Variants in ABCA1 observed in about 807,000 individuals in gnomAD.
ABCA1 encodes ATP binding cassette subfamily A member 1, also known as phospholipid-transporting ATPase ABCA1.
Under a neutral mutation model 262.5 loss-of-function variants are expected in ABCA1, and 133 were observed. The ratio of observed to expected loss-of-function variants is 0.51; its 90% CI spans 0.44 to 0.59. The LOEUF (loss-of-function observed/expected upper bound fraction) is 0.59, where lower values mean the gene tolerates loss of function less well. Among genes scored for constraint, ABCA1 ranks in the 20% least tolerant of loss-of-function variants. The pLI is 0.00. For missense variants in ABCA1, 2,452 were observed against 2,777.5 expected (o/e 0.88, Z 2.63); for synonymous variants, 1,022 against 1,043.5 (o/e 0.98, Z 0.40).
intron 49 of ABCA1, among the ~76,000 whole-genome samples, chr9:104,784,976 T>C (rs1828798679): frequency 6.6e-6 from 1 of 152,014 alleles, no homozygotes; most frequent in Non-Finnish European, 1.5e-5. Flanking sequence ...CCCCCACCCC[T>C]ACATCACCAA....
At chr9:104,811,280 T>C (rs1204549195) in intron 28 of ABCA1, among the ~76,000 whole-genome samples, 1 of 152,244 alleles carries the variant, frequency 6.6e-6, no homozygotes, top group Non-Finnish European at 1.5e-5. Flanking sequence ...CATTGGGCCA[T>C]GAACCCAGGA....
chr9:104,880,359 G>T (rs1453530049), intron 5 of ABCA1, among the ~76,000 whole-genome samples: 1 of 152,050 alleles, frequency 6.6e-6, no homozygotes, highest in East Asian at 1.9e-4. Context: ...AGTTGGCCAG[G>T]TGCAGTGGCT....
chr9:104,804,159 G>A (rs1413776400), intron 32 of ABCA1, among the ~76,000 whole-genome samples: 12 of 152,200 alleles, frequency 7.9e-5, no homozygotes, highest in Non-Finnish European at 1.8e-4. Flanking sequence ...TCCCAAGGCT[G>A]CAGAGCCAAG....
chr9:104,852,169 T>A (rs1327611702), intron 7 of ABCA1, among the ~76,000 whole-genome samples: 1 of 152,328 alleles, frequency 6.6e-6, no homozygotes, highest in South Asian at 2.1e-4. Context: ...TTTGACCATA[T>A]GCAAAATCCA....
Position 104,923,894 on chromosome 9 carries a change from T to C in ABCA1, c.-93+4041A>G, listed in dbSNP as rs530507685. Among the ~76,000 whole-genome samples the C allele has an allele frequency of 2.8e-3, 431 of 152,228 alleles. 1 individual carries two copies. Among genetic ancestry groups the C allele is most frequent in the Middle Eastern group, 0.01 (3 of 294 alleles). On this transcript the variant is annotated intron_variant, in intron 1 of 49. Coordinates refer to ENST00000374736, the MANE Select transcript of ABCA1 (RefSeq NM_005502.4). ...GTCTTTACAAAAAATTGTAAAAATT[T>C]AGCCAGGAGCAGTGGTGCGTGCCTG...
intron 1 of ABCA1, among the ~76,000 whole-genome samples, chr9:104,925,539 G>A (rs1450311188): frequency 3.9e-5 from 6 of 152,112 alleles, no homozygotes; most frequent in Non-Finnish European, 8.8e-5. Context: ...CTCAAATACA[G>A]ACTCCTAAAT....
At chr9:104,855,192 T>G (rs183542855) in intron 7 of ABCA1, 27 of 983,744 alleles carry the variant, frequency 2.7e-5, no homozygotes, top group South Asian at 1.4e-4. Flanking sequence ...AGAAGAAAAC[T>G]TCTATCTTTT....
chr9:104,792,023 T>C, intron 42 of ABCA1, 25 bp from the exon 43 acceptor site: 2 of 1,606,016 alleles, frequency 1.2e-6, no homozygotes, highest in Non-Finnish European at 1.7e-6. Flanking sequence ...ATGTAAACAT[T>C]CATAAGCCTC....
rs567181529 is a variant in ABCA1, at chr9:104,809,248, GACGTGCTTTGC to G, written c.4274+207_4274+217del. Among the ~76,000 whole-genome samples the G allele has an allele frequency of 9.1e-4, 139 of 152,368 alleles. 2 individuals carry two copies. In the South Asian group the frequency reaches 0.026, roughly 29 times the overall value. On this transcript the variant is annotated intron_variant, in intron 30 of 49. Coordinates refer to ENST00000374736, the MANE Select transcript of ABCA1 (RefSeq NM_005502.4). ...AAATCAGTAAACAAATGTCTGTAATGACGTGCTTTGCACGGTGTTAGAAGACTCTCCAAACG... is the reference window on the plus strand; with the variant it reads ...AAATCAGTAAACAAATGTCTGTAATGACGGTGTTAGAAGACTCTCCAAACG...
chr9:104,784,332 T>A lies in ABCA1; in HGVS notation c.6769A>T (p.Lys2257Ter). The change falls in exon 50 of 50, where the codon AAA (lysine) becomes TAA (stop). Residue 2257 changes from lysine to a stop codon, truncating the protein, a stop_gained. Coordinates refer to ENST00000374736, the MANE Select transcript of ABCA1 (RefSeq NM_005502.4). LOFTEE classifies it high-confidence loss of function. Reference sequence around the variant, plus strand: ...AGGATTCTTCATACATAGCTTTCTTTCACTTTCTCATCCTGTAGAAAAGAT... The same window carrying A: ...AGGATTCTTCATACATAGCTTTCTTACACTTTCTCATCCTGTAGAAAAGAT... ...LTSFLQDEKV[K>*]ESYV is the part of the protein sequence containing the mutation. 1 of 1,614,166 alleles carries A rather than the reference T, an allele frequency of 6.2e-7. No homozygotes were observed. Among genetic ancestry groups the A allele is most frequent in the Non-Finnish European group, 8.5e-7 (1 of 1,180,010 alleles).
Position 104,799,842 on chromosome 9 carries a change from C to T in ABCA1, c.4920G>A (p.Lys1640=), listed in dbSNP as rs765892508. 6.2e-7 allele frequency: 1 copy of T among 1,614,188 alleles called. No homozygotes were observed. Among genetic ancestry groups the T allele is most frequent in the Non-Finnish European group, 8.5e-7 (1 of 1,180,034 alleles). Residue 1640 remains lysine, a synonymous_variant, in exon 36 of 50, where the codon AAG becomes AAA. Transcript: ENST00000374736. The part of the protein sequence containing the change: ...TAFNHPLNLT[K]QQLSEVALMT... ...ACAGAGCCACCTCTGAGAGCTGCTG[C>T]TTGGTGAGATTCAGGGGATGATTGA...
chr9:104,894,050 C>A (rs1007068443), intron 2 of ABCA1, among the ~76,000 whole-genome samples: 1 of 152,146 alleles, frequency 6.6e-6, no homozygotes, highest in African/African-American at 2.4e-5. Flanking sequence ...GAACAAGTTA[C>A]GAGCCATAAG....
In ABCA1 at chr9:104,847,381, T is replaced by C. The variant is rs1380087494; in HGVS notation, c.721-1812A>G. 2.0e-5 allele frequency among the ~76,000 whole-genome samples: 3 copies of C among 152,180 alleles called. 1 individual carries two copies. On this transcript the variant is annotated intron_variant, in intron 7 of 49. Transcript: ENST00000374736. ...TGCTGTGCACATATCACAGAGTTTT[T>C]ATAAGCACTAAAACTAGAGGATATG...
intron 8 of ABCA1, among the ~76,000 whole-genome samples, chr9:104,841,717 G>A (rs893950592): frequency 6.6e-6 from 1 of 152,064 alleles, no homozygotes; most frequent in African/African-American, 2.4e-5. Flanking sequence ...CACACAAGAG[G>A]GTGCCCTGCA....
intron 34 of ABCA1, among the ~76,000 whole-genome samples, chr9:104,801,840 G>C (rs1188533242): frequency 6.6e-6 from 1 of 152,150 alleles, no homozygotes; most frequent in Admixed American, 6.5e-5. Context: ...CACAGCTCCT[G>C]GCCTCTGGAT....
At chr9:104,833,219 C>A (rs1242182189) in intron 11 of ABCA1, among the ~76,000 whole-genome samples, 8 of 152,176 alleles carry the variant, frequency 5.3e-5, no homozygotes, top group Non-Finnish European at 1.2e-4. Flanking sequence ...TCTCGCTCTG[C>A]CGCCCGGGCT....
chr9:104,863,235 G>A (rs1294445022), intron 5 of ABCA1, among the ~76,000 whole-genome samples: 1 of 152,276 alleles, frequency 6.6e-6, no homozygotes. Context: ...CTGACCAGAT[G>A]CTTGGTAGGA....
At chr9:104,855,889 G>A in intron 7 of ABCA1, 1 of 1,612,876 alleles carries the variant, frequency 6.2e-7, no homozygotes, top group Non-Finnish European at 8.5e-7. Context: ...TGGAAACAGG[G>A]AAACACTCAC....
Position 104,806,268 on chromosome 9 carries a change from T to TG in ABCA1, c.4436dup (p.Gly1480ArgfsTer50). 6.2e-7 allele frequency: 1 copy of TG among 1,613,578 alleles called. No individual in the cohort carries two copies. The highest frequency in any genetic ancestry group is 8.5e-7 in the Non-Finnish European group (1 of 1,180,006). ...GTGGAGGAGGCAGCCCCCCTGCCCC[T>TG]GGGGGACACACAGGCAGCATCTTCT... On this transcript the variant is annotated frameshift_variant, in exon 31 of 50. Coordinates refer to ENST00000374736, the MANE Select transcript of ABCA1 (RefSeq NM_005502.4). LOFTEE classifies it high-confidence loss of function.
Sources: gnomAD v4.1 joint callset for allele counts (sites outside exome capture counted in the v4.1 genomes callset) on GRCh38, gnomAD v4.1.1 for gene constraint, MANE v1.5 for transcripts, NCBI Gene and HGNC (gene_info 2026-07-23, HGNC 2026-07-21) for gene names.